CKAP5: variants seen among roughly 807,000 people sequenced by gnomAD.
CKAP5 encodes the protein cytoskeleton associated protein 5, also known as cytoskeleton-associated protein 5.
Under a neutral mutation model 232.8 loss-of-function variants are expected in CKAP5, and 27 were observed. The observed-to-expected ratio is 0.12, with a 90% CI of 0.09 to 0.16. CKAP5 has a LOEUF of 0.16. Among genes scored for constraint, CKAP5 ranks in the 10% least tolerant of loss-of-function variants. The probability of loss-of-function intolerance (pLI) is 1.00; values close to 1 mark genes in which losing one functional copy is unlikely to be tolerated. For synonymous variants in CKAP5, 785 were observed against 841.1 expected (o/e 0.93, Z 1.16); for missense variants, 1,838 against 2,424.7 (o/e 0.76, Z 5.08).
At chr11:46,767,524 T>C (rs1306158625) in intron 27 of CKAP5, 51 bp downstream of exon 27, 1 of 1,159,358 alleles carries the variant, frequency 8.6e-7, no homozygotes, top group Admixed American at 1.8e-5. Flanking sequence ...ACTCAGTATA[T>C]AAAATATATT....
rs775103720 is a variant in CKAP5, at chr11:46,810,988, AG to A, written c.630+18del. 1 of 1,566,072 alleles carries A rather than the reference AG, an allele frequency of 6.4e-7. No homozygotes were observed. Among genetic ancestry groups the A allele is most frequent in the East Asian group, 2.3e-5 (1 of 43,612 alleles). On this transcript the variant is annotated intron_variant, in intron 5 of 43. Coordinates refer to ENST00000529230, the MANE Select transcript of CKAP5 (RefSeq NM_001008938.4). Reference sequence around the variant, plus strand: ...ATATTAACCTTGTGCGAAAGCAACCAGAAAACTTTTTGTCTCACCTGAACAG... The same window carrying A: ...ATATTAACCTTGTGCGAAAGCAACCAAAAACTTTTTGTCTCACCTGAACAG...
intron 25 of CKAP5, 150 bp downstream of exon 25, chr11:46,770,638 A>G (rs1565726715): frequency 1.5e-6 from 1 of 665,294 alleles, no homozygotes; most frequent in Admixed American, 3.0e-5. Context: ...CATGTTGGCC[A>G]GGCTGGTCTT....
intron 1 of CKAP5, among the ~76,000 whole-genome samples, chr11:46,838,935 TTCAGAGAA>T (rs1178060939): frequency 3.9e-5 from 6 of 152,188 alleles, no homozygotes; most frequent in Non-Finnish European, 5.9e-5. Context: ...CACTTTTTTG[TTCAGAGAA>T]GATGATGCCA....
chr11:46,803,905 C>A (rs1284212538), intron 8 of CKAP5, among the ~76,000 whole-genome samples: 1 of 152,098 alleles, frequency 6.6e-6, no homozygotes, highest in African/African-American at 2.4e-5. Flanking sequence ...GATTTAGATG[C>A]TAGGCTTTAT....
intron 4 of CKAP5, among the ~76,000 whole-genome samples, chr11:46,812,952 AATT>A (rs1436558864): frequency 6.6e-6 from 1 of 151,782 alleles, no homozygotes; most frequent in Non-Finnish European, 1.5e-5. Context: ...TCCTGGCCTT[AATT>A]ATTATTATTA....
chr11:46,780,347 T>C (rs1183857516), intron 19 of CKAP5, 28 bp from the exon 20 acceptor site: 3 of 1,613,634 alleles, frequency 1.9e-6, no homozygotes, highest in African/African-American at 2.7e-5. Context: ...AATAACTTTT[T>C]AAATCACAAA....
chr11:46,745,477 T>C (rs780700642), intron 42 of CKAP5, among the ~76,000 whole-genome samples: 3 of 152,194 alleles, frequency 2.0e-5, no homozygotes, highest in Admixed American at 6.5e-5. Flanking sequence ...GGGTTGCAAA[T>C]GTGCTGTTTA....
At chr11:46,841,984 T>A (rs1428326959) in intron 1 of CKAP5, among the ~76,000 whole-genome samples, 4 of 102,444 alleles carry the variant, frequency 3.9e-5, no homozygotes, top group East Asian at 3.4e-4. Flanking sequence ...GGAGAAAGAG[T>A]AAGACTTTGG....
At chr11:46,748,123 C>T (rs1013835619) in intron 42 of CKAP5, among the ~76,000 whole-genome samples, 1 of 151,996 alleles carries the variant, frequency 6.6e-6, no homozygotes, top group Non-Finnish European at 1.5e-5. Flanking sequence ...GGGGCACTGG[C>T]GGGTCCTATA....
In CKAP5 at chr11:46,790,146, G is replaced by A. The variant is rs547466383; in HGVS notation, c.1805C>T (p.Pro602Leu). 6.2e-7 allele frequency: 1 copy of A among 1,611,226 alleles called. No individual in the cohort carries two copies. Among genetic ancestry groups the A allele is most frequent in the South Asian group, 1.1e-5 (1 of 90,784 alleles). ...GCTGTCAAGAAGCTGTATACAGGTA[G>A]GGGGAAGAACAGCTGAAGCTTTTTC... is the stretch of plus-strand genomic sequence containing the variant. ...CEEKASAVLP[P>L]TCIQLLDSSN... The change falls in exon 15 of 44, where the codon CCT becomes CTT. Residue 602 changes from proline to leucine, a missense_variant. Transcript: ENST00000529230.
chr11:46,761,071 A>G (rs2065151206), intron 32 of CKAP5, among the ~76,000 whole-genome samples: 1 of 152,124 alleles, frequency 6.6e-6, no homozygotes, highest in Admixed American at 6.6e-5. Flanking sequence ...CAACATGGTG[A>G]AACCCCATCT....
chr11:46,844,723 CCT>C (rs1303995132), intron 1 of CKAP5, among the ~76,000 whole-genome samples: 1 of 152,130 alleles, frequency 6.6e-6, no homozygotes, highest in Non-Finnish European at 1.5e-5. Context: ...CTCACTGCAA[CCT>C]CTGTCTCCCG....
At position 46,763,608 on chromosome 11, in the gene CKAP5, G is replaced by T. The variant is rs776031878; in HGVS notation, c.3560C>A (p.Thr1187Asn). ...GLKVLKWNFTTPRDEYIEQLK... is the reference protein window; with the variant it reads ...GLKVLKWNFTNPRDEYIEQLK... ...TTGCTCAATGTATTCATCCCGTGGG[G>T]TAGTAAAATTCCACTTTAGCACCTG... is the stretch of plus-strand genomic sequence containing the variant. The change falls in exon 29 of 44, where the codon ACC becomes AAC. Residue 1187 changes from threonine to asparagine, a missense_variant. Coordinates refer to ENST00000529230, the MANE Select transcript of CKAP5 (RefSeq NM_001008938.4). The T allele has an allele frequency of 2.2e-5, 35 of 1,563,230 alleles. No individual in the cohort carries two copies. The Middle Eastern group carries it at 5.1e-4, about 23-fold the overall frequency.
intron 13 of CKAP5, among the ~76,000 whole-genome samples, chr11:46,793,928 G>GA (rs1225899420): frequency 1.0e-4 from 14 of 139,828 alleles, no homozygotes; most frequent in African/African-American, 3.2e-4. Flanking sequence ...CTCCACCTCA[G>GA]AAAAAACAAA....
rs57602333 is a variant in CKAP5 at position 46,829,838 on chromosome 11, ATGTGTGTGTGTGTG to A, written c.-37-8584_-37-8571del. ...ATATGAAGTCTAATTCCTTTTTTGT[ATGTGTGTGTGTGTG>A]TGTGTGTGTGTGTGTGTGTGTGTGT... On this transcript the variant is annotated intron_variant, in intron 1 of 43. Transcript: ENST00000529230. Among the ~76,000 whole-genome samples the A allele has an allele frequency of 2.8e-3, 401 of 143,090 alleles. 1 individual carries two copies. Among genetic ancestry groups the A allele is most frequent in the South Asian group, 9.5e-3 (42 of 4,434 alleles). The allele number at this position is 143,090 out of a possible 152,430, so 93.9% of individuals were successfully genotyped here.
At position 46,788,814 on chromosome 11, in the gene CKAP5, G is replaced by A. The variant is rs112427282; in HGVS notation, c.1876-41C>T. The stretch of plus-strand genomic sequence containing the variant: ...GAGAATAAGAGTTTAAGGGTTAAAG[G>A]TTACTTCCAAAGGAAGAGTAAATAC... On this transcript the variant is annotated intron_variant, in intron 15 of 43. Transcript: ENST00000529230. The A allele has an allele frequency of 5.3e-4, 750 of 1,406,144 alleles. 5 individuals are homozygous for A. The African/African-American group carries it at 9.1e-3, about 17-fold the overall frequency. The allele number at this position is 1,406,144 out of a possible 1,614,324, so 87.1% of individuals were successfully genotyped here.
chr11:46,828,967 C>T (rs1269597912), intron 1 of CKAP5, among the ~76,000 whole-genome samples: 1 of 152,158 alleles, frequency 6.6e-6, no homozygotes, highest in African/African-American at 2.4e-5. Flanking sequence ...ATATACTTAA[C>T]ACTATTGAAC....
chr11:46,784,558 C>A lies in CKAP5; in HGVS notation c.2084G>T (p.Cys695Phe). 1 of 1,614,096 alleles carries A rather than the reference C, an allele frequency of 6.2e-7. No homozygotes were observed. Among genetic ancestry groups the A allele is most frequent in the South Asian group, 1.1e-5 (1 of 91,084 alleles). The change falls in exon 17 of 44, where the codon TGT becomes TTT. Residue 695 changes from cysteine to phenylalanine, a missense_variant. By Grantham distance (205) the Cys-to-Phe change is radical (BLOSUM62 -2). Transcript: ENST00000529230. ...GLVDKIGDVK[C>F]GNNAKEAMTA... ...CATAGCTTCTTTTGCATTGTTCCCA[C>A]ATTTCACATCTCCAATCTTGTCCAC...
chr11:46,744,333 C>T, intron 43 of CKAP5, 68 bp from the exon 44 acceptor site: 1 of 1,612,336 alleles, frequency 6.2e-7, no homozygotes, highest in Non-Finnish European at 8.5e-7. Flanking sequence ...TCCAGAACTA[C>T]AGCAAGACTA....
Sources: gnomAD v4.1 joint callset for allele counts (sites outside exome capture counted in the v4.1 genomes callset) on GRCh38, gnomAD v4.1.1 for gene constraint, MANE v1.5 for transcripts, NCBI Gene and HGNC (gene_info 2026-07-23, HGNC 2026-07-21) for gene names.